The following CDH8 variants were observed in gnomAD, a reference collection of about 807,000 sequenced individuals.
CDH8 encodes cadherin 8, also known as cadherin-8.
In CDH8, 17 loss-of-function variants were observed where a neutral mutation model predicts 68.1. That is an observed-to-expected ratio of 0.25 (90% CI 0.17 to 0.37). The LOEUF (loss-of-function observed/expected upper bound fraction) is 0.37. CDH8 is among the 10% of genes least tolerant of loss of function. The pLI, the probability that CDH8 is intolerant of heterozygous loss-of-function variation, is 1.00. For synonymous variants in CDH8, 372 were observed against 365.1 expected, an observed-to-expected ratio of 1.02 and a Z score of -0.21; for missense variants, 763 against 999.3, an observed-to-expected ratio of 0.76 and a Z score of 3.19.
chr16:61,909,716 T>G (rs1964126522), intron 2 of CDH8, among the ~76,000 whole-genome samples: 1 of 152,212 alleles, frequency 6.6e-6, no homozygotes, highest in Non-Finnish European at 1.5e-5. Context: ...CATATACATT[T>G]AGAAGCCATG....
At chr16:61,906,541 C>A (rs550946320) in intron 2 of CDH8, among the ~76,000 whole-genome samples, 1 of 152,340 alleles carries the variant, frequency 6.6e-6, no homozygotes, top group African/African-American at 2.4e-5. Context: ...ATACCCTCAT[C>A]ATCTTCCATA....
intron 4 of CDH8, among the ~76,000 whole-genome samples, chr16:61,844,984 T>C (rs991832099): frequency 3.9e-5 from 6 of 152,158 alleles, no homozygotes; most frequent in African/African-American, 1.4e-4. Flanking sequence ...TTGACTAAAG[T>C]CATACAGAGA....
chr16:61,768,371 T>TG, intron 8 of CDH8, among the ~76,000 whole-genome samples: 1 of 34,188 alleles, frequency 2.9e-5, no homozygotes, highest in East Asian at 9.3e-4. Flanking sequence ...TCTCTCTCCC[T>TG]TTCTCTCTCT....
chr16:61,755,780 T>TCTCCGC (rs1465943646), intron 8 of CDH8, among the ~76,000 whole-genome samples: 1 of 151,920 alleles, frequency 6.6e-6, no homozygotes, highest in African/African-American at 2.4e-5. Context: ...TCCTTCTCCT[T>TCTCCGC]CTCCTTCTCC....
At chr16:61,697,495 T>C (rs946128609) in intron 10 of CDH8, among the ~76,000 whole-genome samples, 2 of 108,172 alleles carry the variant, frequency 1.8e-5, no homozygotes, top group Non-Finnish European at 3.6e-5. Context: ...TTTTGGAGAG[T>C]TATTTTTTTT....
intron 2 of CDH8, among the ~76,000 whole-genome samples, chr16:61,993,342 C>T (rs1284990819): frequency 1.3e-5 from 2 of 151,990 alleles, no homozygotes; most frequent in Non-Finnish European, 2.9e-5. Context: ...ATTTTTGAGA[C>T]GGAGTTTCAC....
intron 2 of CDH8, among the ~76,000 whole-genome samples, chr16:61,981,901 T>C (rs1965538406): frequency 6.6e-6 from 1 of 152,184 alleles, no homozygotes; most frequent in Admixed American, 6.5e-5. Flanking sequence ...ACAATTCCTT[T>C]TTTTCTTCTC....
At chr16:61,950,442 T>A (rs1419407389) in intron 2 of CDH8, among the ~76,000 whole-genome samples, 1 of 152,188 alleles carries the variant, frequency 6.6e-6, no homozygotes, top group Non-Finnish European at 1.5e-5. Flanking sequence ...TTTAAAAAAA[T>A]TAAATGATTT....
At chr16:61,843,548 T>C (rs1043339564) in intron 4 of CDH8, among the ~76,000 whole-genome samples, 3 of 152,182 alleles carry the variant, frequency 2.0e-5, no homozygotes, top group Admixed American at 1.3e-4. Flanking sequence ...TAAGTTCACA[T>C]TCAGAACTTT....
intron 2 of CDH8, among the ~76,000 whole-genome samples, chr16:61,924,974 G>C (rs972511622): frequency 6.6e-6 from 1 of 152,154 alleles, no homozygotes; most frequent in African/African-American, 2.4e-5. Context: ...ACCAGGTAGA[G>C]GGTGTTACTC....
At chr16:61,697,163 C>T (rs1436184707) in intron 10 of CDH8, among the ~76,000 whole-genome samples, 3 of 152,068 alleles carry the variant, frequency 2.0e-5, no homozygotes, top group Non-Finnish European at 4.4e-5. Flanking sequence ...GGCTTAGGGG[C>T]TTGTCATTGA....
intron 8 of CDH8, among the ~76,000 whole-genome samples, chr16:61,733,825 T>C (rs1959602997): frequency 6.6e-6 from 1 of 152,050 alleles, no homozygotes; most frequent in African/African-American, 2.4e-5. Context: ...TCGTTGATTC[T>C]TGAGCCCTCT....
intron 7 of CDH8, among the ~76,000 whole-genome samples, chr16:61,795,827 A>ATAG (rs2142995580): frequency 6.6e-6 from 1 of 152,216 alleles, no homozygotes; most frequent in East Asian, 1.9e-4. Flanking sequence ...TCCATAGAGC[A>ATAG]TAGACTTCAA....
intron 10 of CDH8, among the ~76,000 whole-genome samples, chr16:61,707,455 AT>A (rs1964554436): frequency 6.6e-6 from 1 of 152,146 alleles, no homozygotes; most frequent in Admixed American, 6.5e-5. Flanking sequence ...GTGCTATTAT[AT>A]ATTCCATAGT....
chr16:61,697,688 A>G (rs1964353469), intron 10 of CDH8, among the ~76,000 whole-genome samples: 1 of 152,022 alleles, frequency 6.6e-6, no homozygotes, highest in Admixed American at 6.6e-5. Flanking sequence ...TTTAATAGAG[A>G]CGGGTTGGAC....
chr16:61,998,644 C>T (rs1388552440), intron 2 of CDH8, among the ~76,000 whole-genome samples: 2 of 152,158 alleles, frequency 1.3e-5, no homozygotes, highest in African/African-American at 2.4e-5. Flanking sequence ...ATATGTTTGG[C>T]ATTACTGAGA....
intron 2 of CDH8, chr16:61,934,159 A>C (rs1337153750): frequency 6.6e-6 from 1 of 152,218 alleles, no homozygotes; most frequent in Non-Finnish European, 1.5e-5. Context: ...CATCCTATCT[A>C]AACCTCTAGA....
intron 10 of CDH8, among the ~76,000 whole-genome samples, chr16:61,708,719 G>A (rs1418263247): frequency 1.3e-5 from 2 of 152,194 alleles, no homozygotes; most frequent in Admixed American, 6.5e-5. Context: ...CACATTGCTG[G>A]AAGCATAAAC....
intron 10 of CDH8, chr16:61,692,094 C>A (rs368441687): frequency 6.6e-6 from 1 of 152,086 alleles, no homozygotes; most frequent in Non-Finnish European, 1.5e-5. Context: ...AATGCTAGAA[C>A]AACTGGCATG....
Sources: allele counts gnomAD v4.1 joint callset (sites outside exome capture counted in the v4.1 genomes callset), GRCh38; gene constraint gnomAD v4.1.1; transcripts MANE v1.5; gene names NCBI Gene and HGNC (gene_info 2026-07-23, HGNC 2026-07-21).